ATAD2: variants seen among roughly 807,000 people sequenced by gnomAD.
ATAD2 encodes the protein ATPase family AAA domain-containing protein 2.
A neutral mutation model predicts 168.9 loss-of-function variants in ATAD2; 62 were observed. The ratio of observed to expected loss-of-function variants is 0.37; its 90% CI spans 0.30 to 0.45. The LOEUF (loss-of-function observed/expected upper bound fraction) is 0.45, where lower values mean the gene tolerates loss of function less well. ATAD2 is among the 20% of genes least tolerant of loss of function. The pLI is 1.00. For synonymous variants in ATAD2, 613 were observed against 571.6 expected, an observed-to-expected ratio of 1.07 and a Z score of -1.03; for missense variants, 1,419 against 1,667.8, an observed-to-expected ratio of 0.85 and a Z score of 2.60.
At chr8:123,405,888 AG>A in intron 1 of ATAD2, among the ~76,000 whole-genome samples, 1 of 152,374 alleles carries the variant, frequency 6.6e-6, no homozygotes, top group South Asian at 2.1e-4. Flanking sequence ...TTGTATCTGT[AG>A]AATAAATTTC....
intron 21 of ATAD2, among the ~76,000 whole-genome samples, chr8:123,336,824 CT>C (rs1827928085): frequency 1.3e-5 from 2 of 152,144 alleles, no homozygotes; most frequent in African/African-American, 4.8e-5. Context: ...TTCAGAGCAA[CT>C]TAAGACGTGG....
At position 123,345,174 on chromosome 8, in the gene ATAD2, G is replaced by A. The variant is rs1828198408; in HGVS notation, c.2533-105C>T. The A allele has an allele frequency of 5.1e-6, 5 of 982,068 alleles. No individual in the cohort carries two copies. The East Asian group carries it at 1.4e-4, about 27-fold the overall frequency. 60.8% of individuals were successfully genotyped at this position (982,068 alleles called of 1,614,324 possible). A position where few individuals can be genotyped will look rare whatever the true frequency, so the allele number is the denominator to read the frequency against. On this transcript the variant is annotated intron_variant, in intron 18 of 27. Coordinates refer to ENST00000287394, the MANE Select transcript of ATAD2 (RefSeq NM_014109.4). Reference sequence around the variant, plus strand: ...TAACCTCCCAGGAGTAACATATAAAGTCCTCAAGTTTTTAAAATGCTTCTC... The same window carrying A: ...TAACCTCCCAGGAGTAACATATAAAATCCTCAAGTTTTTAAAATGCTTCTC...
intron 1 of ATAD2, among the ~76,000 whole-genome samples, chr8:123,383,890 T>A (rs896062756): frequency 6.6e-6 from 1 of 151,714 alleles, no homozygotes; most frequent in Admixed American, 6.6e-5. Flanking sequence ...GAGACCATTG[T>A]GGCTAACATG....
At position 123,334,224 on chromosome 8, in the gene ATAD2, T is replaced by C. The variant is rs1827855049; in HGVS notation, c.3310A>G (p.Ile1104Val). Residue 1104 changes from isoleucine to valine, a missense_variant, in exon 23 of 28, where the codon ATT (isoleucine) becomes GTT (valine). Transcript: ENST00000287394. ...CCTCTTTTCTTTCTAGATTCCTGAATTTCTTCACAGAGCTGCTCAAAGTCT... is the reference window on the plus strand; with the variant it reads ...CCTCTTTTCTTTCTAGATTCCTGAACTTCTTCACAGAGCTGCTCAAAGTCT... ...DEDFEQLCEE[I>V]QESRKKRGCS... The C allele has an allele frequency of 6.3e-7, 1 of 1,592,740 alleles. No individual in the cohort carries two copies. Among genetic ancestry groups the C allele is most frequent in the Non-Finnish European group, 8.5e-7 (1 of 1,174,358 alleles).
At chr8:123,324,140 TAC>T (rs1827546055) in intron 26 of ATAD2, among the ~76,000 whole-genome samples, 1 of 152,222 alleles carries the variant, frequency 6.6e-6, no homozygotes, top group Non-Finnish European at 1.5e-5. Context: ...TCAGAAAGAC[TAC>T]AGTTTTTTGA....
intron 24 of ATAD2, among the ~76,000 whole-genome samples, chr8:123,331,244 T>C (rs1031250887): frequency 5.9e-5 from 9 of 151,998 alleles, no homozygotes; most frequent in Admixed American, 3.3e-4. Flanking sequence ...CCTGGTATTC[T>C]TTTCTCTCTT....
chr8:123,357,932 GA>G (rs1225163712), intron 11 of ATAD2, among the ~76,000 whole-genome samples, 196 bp from the exon 12 acceptor site: 1 of 152,092 alleles, frequency 6.6e-6, no homozygotes, highest in African/African-American at 2.4e-5. Context: ...AATTAATATT[GA>G]AACTGTAAAT....
At chr8:123,401,516 T>C in intron 1 of ATAD2, 1 of 1,566,354 alleles carries the variant, frequency 6.4e-7, no homozygotes, top group East Asian at 2.3e-5. Flanking sequence ...ACCTGATTGA[T>C]GCTGGTGTGG....
chr8:123,329,568 C>T (rs574869413), intron 24 of ATAD2, among the ~76,000 whole-genome samples: 24 of 152,046 alleles, frequency 1.6e-4, no homozygotes, highest in African/African-American at 5.8e-4. Flanking sequence ...CGAGACCATC[C>T]TGGCTAACAC....
rs1440760618 is a variant in ATAD2, at chr8:123,371,486, TA to T, written c.537-149del. ...TTGATTTACTTGTATAAAAATATTTTAAAATTTCTTTCCAAGAATAGAGACA... is the reference window on the plus strand; with the variant it reads ...TTGATTTACTTGTATAAAAATATTTTAAATTTCTTTCCAAGAATAGAGACA... On this transcript the variant is annotated intron_variant, in intron 4 of 27. Coordinates refer to ENST00000287394, the MANE Select transcript of ATAD2 (RefSeq NM_014109.4). The T allele has an allele frequency of 1.1e-4, 93 of 857,696 alleles. No individual in the cohort carries two copies. In the African/African-American group the frequency reaches 1.4e-3, roughly 13 times the overall value. 53.1% of individuals were successfully genotyped at this position (857,696 alleles called of 1,614,324 possible). A position where few individuals can be genotyped will look rare whatever the true frequency, so the allele number is the denominator to read the frequency against.
chr8:123,326,762 A>AC (rs1827627027), intron 25 of ATAD2, among the ~76,000 whole-genome samples: 2 of 152,302 alleles, frequency 1.3e-5, no homozygotes, highest in East Asian at 3.9e-4. Context: ...TGTCACAGAG[A>AC]CCAAGATTGT....
At chr8:123,394,275 A>T (rs1035273106) in intron 1 of ATAD2, among the ~76,000 whole-genome samples, 61 of 152,284 alleles carry the variant, frequency 4.0e-4, no homozygotes, top group African/African-American at 1.4e-3. Flanking sequence ...TAGAAACCTG[A>T]TGATTATTGG....
chr8:123,374,372 A>T (rs1331981851), intron 2 of ATAD2, among the ~76,000 whole-genome samples: 1 of 152,122 alleles, frequency 6.6e-6, no homozygotes, highest in Non-Finnish European at 1.5e-5. Context: ...ACAAACAAAC[A>T]AACTTTTGAG....
intron 1 of ATAD2, among the ~76,000 whole-genome samples, chr8:123,387,986 C>T (rs1453179831): frequency 6.6e-6 from 1 of 152,144 alleles, no homozygotes; most frequent in Admixed American, 6.5e-5. Context: ...TATTCTAATA[C>T]ATGATATACA....
intron 8 of ATAD2, 37 bp from the exon 9 acceptor site, chr8:123,361,683 AGG>A (rs762741480): frequency 2.6e-6 from 4 of 1,534,568 alleles, no homozygotes; most frequent in Non-Finnish European, 3.6e-6. Flanking sequence ...ATGATAAGGA[AGG>A]GCAGGAAAAA....
rs139124129 is a variant in ATAD2 at position 123,333,145 on chromosome 8, T to C, written c.3478+733A>G. Among the ~76,000 whole-genome samples, 182 of 146,496 alleles carry C rather than the reference T, an allele frequency of 1.2e-3. 3 individuals carry two copies. The South Asian group carries it at 0.017, about 14-fold the overall frequency. ...GGCTCACGCCTGTAATCCCAACACT[T>C]TGGGAGGCCGAGGTGGGTGGATCAT... On this transcript the variant is annotated intron_variant, in intron 24 of 27. Transcript: ENST00000287394.
At chr8:123,339,575 T>C (rs1828010175) in intron 19 of ATAD2, 129 bp from the exon 20 acceptor site, 3 of 845,188 alleles carry the variant, frequency 3.5e-6, no homozygotes, top group South Asian at 1.8e-5. Flanking sequence ...GTCCCTCCAC[T>C]TAACAATCGG....
At chr8:123,356,335 A>G in intron 13 of ATAD2, 54 bp downstream of exon 13, 1 of 1,434,200 alleles carries the variant, frequency 7.0e-7, no homozygotes, top group Non-Finnish European at 9.8e-7. Flanking sequence ...CTCACACATC[A>G]ATACCACTCA....
intron 20 of ATAD2, 73 bp from the exon 21 acceptor site, chr8:123,337,894 A>G (rs1044781019): frequency 3.6e-6 from 5 of 1,404,676 alleles, no homozygotes; most frequent in East Asian, 2.4e-5. Flanking sequence ...TAATGAAAAC[A>G]GAGTCAGGAT....
Sources: allele counts gnomAD v4.1 joint callset (sites outside exome capture counted in the v4.1 genomes callset), GRCh38; gene constraint gnomAD v4.1.1; transcripts MANE v1.5; gene names NCBI Gene and HGNC (gene_info 2026-07-23, HGNC 2026-07-21).